The following ACTR3 variants were observed in gnomAD, a reference collection of about 807,000 sequenced individuals.
The protein encoded by ACTR3 is actin-related protein 3.
Under a neutral mutation model 56.8 loss-of-function variants are expected in ACTR3, and 12 were observed. That is an observed-to-expected ratio of 0.21 (90% confidence interval 0.14 to 0.34). The LOEUF is 0.34. Among genes scored for constraint, ACTR3 ranks in the 10% least tolerant of loss-of-function variants. The pLI, the probability that ACTR3 is intolerant of heterozygous loss-of-function variation, is 1.00. For synonymous variants in ACTR3, 162 were observed against 167.4 expected (o/e 0.97, Z 0.25); for missense variants, 282 against 512.5 (o/e 0.55, Z 4.34).
At position 113,939,936 on chromosome 2, in the gene ACTR3, G is replaced by A. The variant is rs764010309; in HGVS notation, c.541-23G>A. 3.9e-6 allele frequency: 6 copies of A among 1,553,180 alleles called. No homozygotes were observed. In the South Asian group the frequency reaches 6.1e-5, roughly 16 times the overall value. The stretch of plus-strand genomic sequence containing the variant: ...TTTTCAAAACATTGAAAGTAAATTT[G>A]GTATCTTTTTTCCCCTCTCTAGGCT... On this transcript the variant is annotated intron_variant, in intron 6 of 11. Transcript: ENST00000263238.
rs144473825 is a variant in ACTR3, at chr2:113,894,435, C to A, written c.44+4112C>A. Among the ~76,000 whole-genome samples the A allele has an allele frequency of 1.4e-4, 21 of 152,320 alleles. No homozygotes were observed. In the East Asian group the frequency reaches 3.9e-3, roughly 28 times the overall value. On this transcript the variant is annotated intron_variant, in intron 1 of 11. Coordinates refer to ENST00000263238, the MANE Select transcript of ACTR3 (RefSeq NM_005721.5). ...AGCCATCTCCAAAGGCAGAAATATT[C>A]ACAATAGCTTCTTAACCAAAAAGCA...
chr2:113,923,968 AAC>A (rs1193685865), intron 3 of ACTR3, among the ~76,000 whole-genome samples: 1 of 152,054 alleles, frequency 6.6e-6, no homozygotes, highest in Non-Finnish European at 1.5e-5. Flanking sequence ...GATCAGACAA[AAC>A]ACAATTTTTA....
At chr2:113,945,623 T>C (rs1680007192) in intron 8 of ACTR3, among the ~76,000 whole-genome samples, 1 of 152,230 alleles carries the variant, frequency 6.6e-6, no homozygotes. Flanking sequence ...ACTTTCACCT[T>C]GTTTATTCAT....
At chr2:113,902,543 G>A (rs1325696036) in intron 1 of ACTR3, among the ~76,000 whole-genome samples, 1 of 151,386 alleles carries the variant, frequency 6.6e-6, no homozygotes, top group Non-Finnish European at 1.5e-5. Context: ...CATAGTAAGA[G>A]CTTTTCTATA....
intron 8 of ACTR3, 50 bp downstream of exon 8, chr2:113,942,409 A>AT: frequency 8.0e-7 from 1 of 1,245,080 alleles, no homozygotes; most frequent in Non-Finnish European, 1.1e-6. Flanking sequence ...GCAAATATGA[A>AT]TTAATAGATA....
intron 4 of ACTR3, among the ~76,000 whole-genome samples, chr2:113,929,130 GTT>G (rs58347794): frequency 6.8e-6 from 1 of 147,602 alleles, no homozygotes; most frequent in Non-Finnish European, 1.5e-5. Context: ...GGCTATTTTT[GTT>G]TTTTTTTTGT....
At chr2:113,909,844 A>T (rs543313361) in intron 1 of ACTR3, among the ~76,000 whole-genome samples, 1 of 152,250 alleles carries the variant, frequency 6.6e-6, no homozygotes, top group Non-Finnish European at 1.5e-5. Flanking sequence ...GTTCATGTGG[A>T]TGGGCCTTTA....
intron 5 of ACTR3, 144 bp from the exon 6 acceptor site, chr2:113,934,135 T>C (rs1253126327): frequency 3.3e-6 from 2 of 601,206 alleles, no homozygotes; most frequent in East Asian, 6.0e-5. Flanking sequence ...ACAAAATTAA[T>C]TTTATGTATT....
chr2:113,913,628 C>T (rs1318338194), intron 2 of ACTR3, among the ~76,000 whole-genome samples: 1 of 152,144 alleles, frequency 6.6e-6, no homozygotes, highest in Non-Finnish European at 1.5e-5. Context: ...TATCTGTTGA[C>T]GTCCTCACTA....
chr2:113,926,923 C>T (rs1308180639), intron 3 of ACTR3, among the ~76,000 whole-genome samples: 1 of 152,160 alleles, frequency 6.6e-6, no homozygotes, highest in East Asian at 1.9e-4. Flanking sequence ...CTTACAGGTG[C>T]ACTTTTTATA....
intron 1 of ACTR3, among the ~76,000 whole-genome samples, chr2:113,894,582 C>A (rs1678969695): frequency 6.6e-6 from 1 of 151,722 alleles, no homozygotes; most frequent in South Asian, 2.1e-4. Context: ...ACTCTCCCTC[C>A]TTTCCTGCCT....
chr2:113,891,132 C>T (rs946073152), intron 1 of ACTR3, among the ~76,000 whole-genome samples: 2 of 152,144 alleles, frequency 1.3e-5, no homozygotes, highest in African/African-American at 4.8e-5. Context: ...CTTACTAGAA[C>T]TTTTAAGCAG....
intron 1 of ACTR3, chr2:113,890,802 A>T (rs1663075020): frequency 1.0e-6 from 1 of 999,052 alleles, no homozygotes; most frequent in South Asian, 4.4e-5. Flanking sequence ...GATCGCTGTG[A>T]CAACATTCTG....
At chr2:113,937,046 G>GC (rs1679841069) in intron 6 of ACTR3, among the ~76,000 whole-genome samples, 1 of 152,106 alleles carries the variant, frequency 6.6e-6, no homozygotes, top group South Asian at 2.1e-4. Context: ...TAGGACTTCA[G>GC]CATGGGAATT....
At chr2:113,932,953 G>A (rs1391507444) in intron 5 of ACTR3, among the ~76,000 whole-genome samples, 1 of 152,126 alleles carries the variant, frequency 6.6e-6, no homozygotes, top group African/African-American at 2.4e-5. Flanking sequence ...AATAAGTCCA[G>A]TATAAGTTTA....
At chr2:113,901,345 C>G (rs903955226) in intron 1 of ACTR3, among the ~76,000 whole-genome samples, 21 of 152,138 alleles carry the variant, frequency 1.4e-4, no homozygotes, top group Non-Finnish European at 2.2e-4. Context: ...GCAATAAGAG[C>G]GAAACTCTGT....
chr2:113,945,280 C>T (rs1679995422), intron 8 of ACTR3, among the ~76,000 whole-genome samples: 1 of 152,196 alleles, frequency 6.6e-6, no homozygotes, highest in African/African-American at 2.4e-5. Context: ...TCTTCACCCT[C>T]CTGCTGCCAT....
intron 5 of ACTR3, chr2:113,934,042 AC>A: frequency 2.3e-6 from 1 of 439,686 alleles, no homozygotes; most frequent in Non-Finnish European, 4.0e-6. Flanking sequence ...TGTAAATCTT[AC>A]AAATCATGCT....
intron 3 of ACTR3, among the ~76,000 whole-genome samples, chr2:113,921,674 A>G (rs549566895): frequency 7.2e-5 from 11 of 152,298 alleles, no homozygotes; most frequent in African/African-American, 2.6e-4. Context: ...GTCTTGTTTC[A>G]TAAGGAGAAA....
Sources: gnomAD v4.1 joint callset for allele counts (sites outside exome capture counted in the v4.1 genomes callset) on GRCh38, gnomAD v4.1.1 for gene constraint, MANE v1.5 for transcripts, NCBI Gene and HGNC (gene_info 2026-07-23, HGNC 2026-07-21) for gene names.